B3GALT1: variants seen among roughly 807,000 people sequenced by gnomAD.
B3GALT1 encodes the protein UDP-Gal:betaGlcNAc beta 1,3-galactosyltransferase, polypeptide 1.
B3GALT1 carries 10 observed loss-of-function variants against 23.2 expected under a neutral mutation model. The ratio of observed to expected loss-of-function variants is 0.43; its 90% CI spans 0.27 to 0.73. The LOEUF (loss-of-function observed/expected upper bound fraction) is 0.73. B3GALT1 is among the 30% of genes least tolerant of loss of function. The probability of loss-of-function intolerance (pLI) is 0.21; values close to 1 mark genes in which losing one functional copy is unlikely to be tolerated. For missense variants in B3GALT1, 299 were observed against 405.4 expected (o/e 0.74, Z 2.25); for synonymous variants, 156 against 141.5 (o/e 1.10, Z -0.73).
At chr2:167,777,734 C>T (rs183375070) in intron 3 of B3GALT1, among the ~76,000 whole-genome samples, 184 of 152,320 alleles carry the variant, frequency 1.2e-3, no homozygotes, top group South Asian at 2.5e-3. Flanking sequence ...TCAATTACAA[C>T]GTGACATATT....
intron 3 of B3GALT1, among the ~76,000 whole-genome samples, chr2:167,731,854 T>A (rs1687415516): frequency 6.6e-6 from 1 of 152,172 alleles, no homozygotes; most frequent in South Asian, 2.1e-4. Flanking sequence ...TAAGGAGATT[T>A]GTTTCCAGAC....
chr2:167,365,401 G>A (rs909732517), intron 1 of B3GALT1, among the ~76,000 whole-genome samples: 10 of 152,126 alleles, frequency 6.6e-5, no homozygotes, highest in Admixed American at 1.3e-4. Context: ...AATATGAAGA[G>A]CTTATTCCAC....
chr2:167,300,816 C>T (rs1020183633), intron 1 of B3GALT1, among the ~76,000 whole-genome samples: 1 of 152,078 alleles, frequency 6.6e-6, no homozygotes, highest in African/African-American at 2.4e-5. Context: ...AATAAAGACT[C>T]TATAAACAGA....
At chr2:167,650,535 A>T (rs1053855636) in intron 3 of B3GALT1, among the ~76,000 whole-genome samples, 2 of 151,836 alleles carry the variant, frequency 1.3e-5, no homozygotes, top group African/African-American at 4.8e-5. Context: ...GATAATGTTG[A>T]CCTCATAGAA....
At chr2:167,502,223 T>A (rs546009897) in intron 2 of B3GALT1, among the ~76,000 whole-genome samples, 9 of 151,966 alleles carry the variant, frequency 5.9e-5, no homozygotes, top group Non-Finnish European at 1.2e-4. Context: ...AAGAACAAGG[T>A]AAGATGAGCA....
intron 3 of B3GALT1, among the ~76,000 whole-genome samples, chr2:167,755,347 C>T (rs912952783): frequency 1.1e-4 from 16 of 151,890 alleles, no homozygotes; most frequent in African/African-American, 3.6e-4. Flanking sequence ...AGAATGTTGA[C>T]TAGAACACGA....
chr2:167,352,284 T>G (rs984053493), intron 1 of B3GALT1, among the ~76,000 whole-genome samples: 22 of 144,748 alleles, frequency 1.5e-4, no homozygotes, highest in Non-Finnish European at 2.5e-4. Context: ...TTTTTTGTTT[T>G]TTTTTTTTTA....
intron 4 of B3GALT1, among the ~76,000 whole-genome samples, chr2:167,836,319 G>T (rs1323358893): frequency 6.6e-6 from 1 of 152,132 alleles, no homozygotes. Flanking sequence ...AACCAATACA[G>T]AGAAGTGCTT....
At chr2:167,445,364 G>A (rs1407652077) in intron 1 of B3GALT1, among the ~76,000 whole-genome samples, 1 of 152,214 alleles carries the variant, frequency 6.6e-6, no homozygotes, top group African/African-American at 2.4e-5. Flanking sequence ...GAAGAGTTCT[G>A]TAGATGTCTA....
chr2:167,673,171 A>G (rs1185636233), intron 3 of B3GALT1, among the ~76,000 whole-genome samples: 1 of 152,162 alleles, frequency 6.6e-6, no homozygotes, highest in Admixed American at 6.6e-5. Context: ...CCTTTCTACC[A>G]GAAAATCTCA....
At chr2:167,853,265 A>G (rs964279957) in intron 4 of B3GALT1, among the ~76,000 whole-genome samples, 8 of 152,166 alleles carry the variant, frequency 5.3e-5, no homozygotes, top group Admixed American at 5.2e-4. Context: ...AAATAAATCA[A>G]ATAATTTAAC....
intron 3 of B3GALT1, among the ~76,000 whole-genome samples, chr2:167,701,850 C>A (rs145898751): frequency 6.6e-6 from 1 of 152,102 alleles, no homozygotes; most frequent in Non-Finnish European, 1.5e-5. Flanking sequence ...CTACATCAAG[C>A]GTCTTTCAAG....
intron 1 of B3GALT1, among the ~76,000 whole-genome samples, chr2:167,426,409 G>T (rs1406275167): frequency 6.6e-6 from 1 of 151,836 alleles, no homozygotes; most frequent in Admixed American, 6.6e-5. Flanking sequence ...CGAGTAGCTG[G>T]GACTACAGGC....
At chr2:167,324,590 G>A (rs145714905) in intron 1 of B3GALT1, among the ~76,000 whole-genome samples, 1,897 of 152,044 alleles carry the variant, frequency 0.012, 34 homozygotes, top group Middle Eastern at 0.048. Flanking sequence ...TTAAATTTTT[G>A]ATATATTAGA....
At chr2:167,785,284 C>T (rs914997405) in intron 3 of B3GALT1, among the ~76,000 whole-genome samples, 1 of 152,068 alleles carries the variant, frequency 6.6e-6, no homozygotes, top group Middle Eastern at 3.2e-3. Flanking sequence ...TGGTTGGGAT[C>T]GTAGAGGTAC....
intron 1 of B3GALT1, among the ~76,000 whole-genome samples, chr2:167,307,179 G>C (rs984345996): frequency 2.0e-5 from 3 of 151,968 alleles, no homozygotes; most frequent in Non-Finnish European, 4.4e-5. Flanking sequence ...AAATATAGTG[G>C]AAAAGTTCCC....
intron 3 of B3GALT1, among the ~76,000 whole-genome samples, chr2:167,676,516 T>TAA (rs1686428867): frequency 6.9e-6 from 1 of 145,080 alleles, no homozygotes; most frequent in East Asian, 2.0e-4. Flanking sequence ...TGTATGTTTA[T>TAA]ACACACACAC....
At chr2:167,481,897 T>G (rs1367747084) in intron 1 of B3GALT1, among the ~76,000 whole-genome samples, 2 of 152,246 alleles carry the variant, frequency 1.3e-5, no homozygotes, top group African/African-American at 2.4e-5. Context: ...AGTTAAAAAG[T>G]TAAAGGCAGA....
chr2:167,513,598 T>C (rs554823401), intron 2 of B3GALT1, among the ~76,000 whole-genome samples: 2 of 152,228 alleles, frequency 1.3e-5, no homozygotes, highest in South Asian at 2.1e-4. Flanking sequence ...TCTTCAGGGA[T>C]TAAAAAGCTT....
Sources: gnomAD v4.1 joint callset for allele counts (sites outside exome capture counted in the v4.1 genomes callset) on GRCh38, gnomAD v4.1.1 for gene constraint, MANE v1.5 for transcripts, NCBI Gene and HGNC (gene_info 2026-07-23, HGNC 2026-07-21) for gene names.